Variants in URI1 observed in about 807,000 individuals in gnomAD.
URI1 encodes the protein URI1 prefoldin like chaperone, also known as unconventional prefoldin RPB5 interactor 1.
Under a neutral mutation model 60.2 loss-of-function variants are expected in URI1, and 39 were observed. That is an observed-to-expected ratio of 0.65 (90% CI 0.50 to 0.85). URI1 has a LOEUF of 0.85. Among genes scored for constraint, URI1 ranks in the 40% least tolerant of loss-of-function variants. The pLI, the probability that URI1 is intolerant of heterozygous loss-of-function variation, is 0.00. For missense variants in URI1, 691 were observed against 665.9 expected (o/e 1.04, Z -0.42); for synonymous variants, 251 against 236.8 (o/e 1.06, Z -0.55).
At chr19:29,941,151 TCTGC>T (rs1362076610), upstream of URI1, among the ~76,000 whole-genome samples, 5 of 152,196 alleles carry the variant, frequency 3.3e-5, no homozygotes, top group Non-Finnish European at 5.9e-5. Context: ...AGGCTGTGAC[TCTGC>T]AGGCATCTCT....
At chr19:29,976,020 A>G (rs991835894) in intron 2 of URI1, among the ~76,000 whole-genome samples, 2 of 152,174 alleles carry the variant, frequency 1.3e-5, no homozygotes, top group African/African-American at 4.8e-5. Flanking sequence ...TGTATCATTA[A>G]CTAACAGTTC....
At chr19:29,967,915 G>A (rs543920211) in intron 1 of URI1, among the ~76,000 whole-genome samples, 6 of 152,274 alleles carry the variant, frequency 3.9e-5, no homozygotes, top group South Asian at 4.1e-4. Context: ...TTTGCAGTTC[G>A]TTTTGTCACA....
rs530132173 is a variant in URI1 at position 29,963,723 on chromosome 19, C to T, written c.118-7470C>T. Among the ~76,000 whole-genome samples, 36 of 152,260 alleles carry T rather than the reference C, an allele frequency of 2.4e-4. 1 individual carries two copies. Among genetic ancestry groups the T allele is most frequent in the Admixed American group, 1.2e-3 (19 of 15,298 alleles). The stretch of plus-strand genomic sequence containing the variant: ...TAACTTCCTCTGGAAAAGGCGCGTC[C>T]TTTCTTCTACTGAAGCAGATGCAGT... On this transcript the variant is annotated intron_variant, in intron 1 of 10. Coordinates refer to ENST00000392271, the MANE Select transcript of URI1 (RefSeq NM_003796.3).
chr19:29,959,109 A>G (rs916751697), intron 1 of URI1, among the ~76,000 whole-genome samples: 1 of 151,970 alleles, frequency 6.6e-6, no homozygotes, highest in Non-Finnish European at 1.5e-5. Context: ...CACTGTTGTT[A>G]TTGGTTTTTG....
upstream of URI1, among the ~76,000 whole-genome samples, chr19:29,939,974 A>G (rs2055007731): frequency 6.6e-6 from 1 of 152,318 alleles, no homozygotes; most frequent in South Asian, 2.1e-4. Context: ...GGAGACTGAC[A>G]TGACCTGATC....
chr19:29,930,876 T>C lies in URI1; in HGVS notation c.63+7122T>C, dbSNP rs76539384. Among the ~76,000 whole-genome samples, 4 of 149,718 alleles carry C rather than the reference T, an allele frequency of 2.7e-5. No individual in the cohort carries two copies. The East Asian group carries it at 7.8e-4, about 29-fold the overall frequency. The stretch of plus-strand genomic sequence containing the variant: ...CCATGCCTGTCTTTTTTTTTTTTTT[T>C]TCTGTAGTTTTAGTACAGACAGGGT... On this transcript the variant is annotated intron_variant, in intron 1 of 10. Coordinates refer to the URI1 transcript ENST00000360605.
At chr19:29,936,066 G>A (rs914664968) in intron 1 of URI1, among the ~76,000 whole-genome samples, 1 of 151,138 alleles carries the variant, frequency 6.6e-6, no homozygotes, top group African/African-American at 2.4e-5. Context: ...GATTATAGGC[G>A]TGAGCCACTG....
chr19:29,970,360 A>G (rs932119969), intron 1 of URI1, among the ~76,000 whole-genome samples: 2 of 151,982 alleles, frequency 1.3e-5, no homozygotes, highest in South Asian at 2.1e-4. Flanking sequence ...TAAAATTTTT[A>G]TTAATAGGTA....
chr19:30,005,621 T>TA, intron 5 of URI1, 30 bp from the exon 6 acceptor site: 1 of 1,604,970 alleles, frequency 6.2e-7, no homozygotes, highest in Non-Finnish European at 8.5e-7. Flanking sequence ...TTTGTGTTGT[T>TA]AATACGCTTT....
chr19:29,953,073 G>T (rs948208882), intron 1 of URI1, among the ~76,000 whole-genome samples: 1 of 152,000 alleles, frequency 6.6e-6, no homozygotes, highest in African/African-American at 2.4e-5. Flanking sequence ...ATTGATTGTT[G>T]ATTTTGAGAA....
chr19:29,956,287 T>C, intron 1 of URI1: 1 of 405,798 alleles, frequency 2.5e-6, no homozygotes, highest in Non-Finnish European at 3.7e-6. Context: ...AGAGTAGTCT[T>C]TTTTTTTTTT....
At chr19:29,979,615 C>T (rs1160224507) in intron 2 of URI1, among the ~76,000 whole-genome samples, 2 of 152,036 alleles carry the variant, frequency 1.3e-5, no homozygotes, top group Non-Finnish European at 2.9e-5. Flanking sequence ...AGCTGCATCT[C>T]TCTTTAGATA....
At chr19:29,995,192 C>T (rs997371330) in intron 4 of URI1, among the ~76,000 whole-genome samples, 41 of 152,130 alleles carry the variant, frequency 2.7e-4, no homozygotes, top group African/African-American at 9.7e-4. Context: ...TTCTTGTCAA[C>T]ACTTGTTACT....
chr19:29,950,165 A>G (rs1045070205), intron 1 of URI1, among the ~76,000 whole-genome samples: 12 of 148,550 alleles, frequency 8.1e-5, no homozygotes, highest in Non-Finnish European at 1.8e-4. Flanking sequence ...GAAGTTGTCA[A>G]TAAACATAAA....
At chr19:29,982,996 C>G (rs1302901772) in intron 2 of URI1, among the ~76,000 whole-genome samples, 1 of 152,156 alleles carries the variant, frequency 6.6e-6, no homozygotes, top group East Asian at 1.9e-4. Context: ...ACTCTCTGGT[C>G]TGACTTCAAA....
intron 1 of URI1, among the ~76,000 whole-genome samples, chr19:29,943,390 T>A (rs1013289439): frequency 2.6e-5 from 4 of 152,258 alleles, no homozygotes; most frequent in Admixed American, 2.6e-4. Flanking sequence ...AATAGTTTTA[T>A]TGTTAAATCT....
At chr19:29,967,992 A>G (rs967716947) in intron 1 of URI1, among the ~76,000 whole-genome samples, 16 of 152,210 alleles carry the variant, frequency 1.1e-4, no homozygotes. Flanking sequence ...GTTGCAAAGA[A>G]TGGATACCAT....
intron 4 of URI1, 106 bp from the exon 5 acceptor site, chr19:30,005,255 C>A: frequency 3.2e-6 from 2 of 618,832 alleles, no homozygotes; most frequent in Non-Finnish European, 5.5e-6. Context: ...TTTTGAAAAG[C>A]ATTACTGTTA....
Position 29,933,400 on chromosome 19 carries a change from G to T in URI1, c.63+9646G>T, listed in dbSNP as rs193081926. ...TCATCTAAGGTTTTCTGATTTTTTG[G>T]AGTACAATTGTTTATAGTATTATCC... On this transcript the variant is annotated intron_variant, in intron 1 of 10. Coordinates refer to the URI1 transcript ENST00000360605. Among the ~76,000 whole-genome samples, 278 of 152,164 alleles carry T rather than the reference G, an allele frequency of 1.8e-3. 1 individual carries two copies. The highest frequency in any genetic ancestry group is 3.4e-3 in the Middle Eastern group (1 of 294).
Sources: allele counts gnomAD v4.1 joint callset (sites outside exome capture counted in the v4.1 genomes callset), GRCh38; gene constraint gnomAD v4.1.1; transcripts MANE v1.5; gene names NCBI Gene and HGNC (gene_info 2026-07-23, HGNC 2026-07-21).